The following CCSER1 variants were observed in gnomAD, a reference collection of about 807,000 sequenced individuals.
CCSER1 encodes the protein serine-rich coiled-coil domain-containing protein 1.
A neutral mutation model predicts 82.0 loss-of-function variants in CCSER1; 41 were observed. The observed-to-expected ratio is 0.50, with a 90% confidence interval of 0.39 to 0.65. The LOEUF (loss-of-function observed/expected upper bound fraction) is 0.65. CCSER1 is among the 30% of genes least tolerant of loss of function. The pLI is 0.00. For synonymous variants in CCSER1, 414 were observed against 383.9 expected, an observed-to-expected ratio of 1.08 and a Z score of -0.92; for missense variants, 1,119 against 1,064.2, an observed-to-expected ratio of 1.05 and a Z score of -0.72.
At chr4:90,397,606 A>G (rs1752170377) in intron 3 of CCSER1, among the ~76,000 whole-genome samples, 1 of 152,136 alleles carries the variant, frequency 6.6e-6, no homozygotes, top group Non-Finnish European at 1.5e-5. Flanking sequence ...CTGTGATGAC[A>G]GTGTTTTGCA....
At chr4:90,420,596 A>G (rs1397631054) in intron 4 of CCSER1, among the ~76,000 whole-genome samples, 7 of 152,076 alleles carry the variant, frequency 4.6e-5, no homozygotes, top group Admixed American at 3.3e-4. Flanking sequence ...AGACTTTGCT[A>G]TATTTTTAAG....
intron 5 of CCSER1, among the ~76,000 whole-genome samples, chr4:90,476,398 G>A (rs1361995767): frequency 2.0e-5 from 3 of 152,112 alleles, no homozygotes; most frequent in Admixed American, 1.3e-4. Context: ...TCAATCACTG[G>A]TAGTGGTGGA....
intron 10 of CCSER1, among the ~76,000 whole-genome samples, chr4:91,440,543 C>A (rs532377310): frequency 6.6e-6 from 1 of 152,146 alleles, no homozygotes; most frequent in African/African-American, 2.4e-5. Context: ...GACAGCCTAA[C>A]ATCACAATTA....
In CCSER1 at chr4:90,932,572, T is replaced by C. The variant is rs115067961; in HGVS notation, c.2172+9125T>C. Among the ~76,000 whole-genome samples, 942 of 152,124 alleles carry C rather than the reference T, an allele frequency of 6.2e-3. 4 individuals are homozygous for C. The highest frequency in any genetic ancestry group is 0.022 in the African/African-American group (893 of 41,508). ...AGCCCAGCGCGGTGCCTCACACCTT[T>C]AATTGCAGCACTTTGGTGGCCCAGG... On this transcript the variant is annotated intron_variant, in intron 9 of 10. Coordinates refer to ENST00000509176, the MANE Select transcript of CCSER1 (RefSeq NM_001145065.2).
In CCSER1 at chr4:90,815,899, G is replaced by A. The variant is rs1480192282; in HGVS notation, c.2094+54G>A. 4 of 1,240,392 alleles carry A rather than the reference G, an allele frequency of 3.2e-6. No homozygotes were observed. The East Asian group carries it at 1.0e-4, about 32-fold the overall frequency. The allele number at this position is 1,240,392 out of a possible 1,614,324, so 76.8% of individuals were successfully genotyped here. A position where few individuals can be genotyped will look rare whatever the true frequency, so the allele number is the denominator to read the frequency against. On this transcript the variant is annotated intron_variant, in intron 8 of 10. Coordinates refer to ENST00000509176, the MANE Select transcript of CCSER1 (RefSeq NM_001145065.2). ...GTGTACTTTACTTTCAAGGTTATTT[G>A]TTCCACGCCCTTATTTATTAACACC...
intron 5 of CCSER1, among the ~76,000 whole-genome samples, chr4:90,500,329 A>G (rs1769666349): frequency 1.3e-5 from 2 of 151,686 alleles, no homozygotes. Flanking sequence ...AGGTCATCAT[A>G]CTTGATCCAC....
intron 6 of CCSER1, among the ~76,000 whole-genome samples, chr4:90,707,271 T>G (rs1359216296): frequency 6.6e-6 from 1 of 151,984 alleles, no homozygotes; most frequent in East Asian, 1.9e-4. Context: ...TTGTTCTCAA[T>G]CCTATCTCCG....
intron 10 of CCSER1, among the ~76,000 whole-genome samples, chr4:91,575,748 A>C (rs1056163868): frequency 9.2e-5 from 14 of 152,004 alleles, no homozygotes; most frequent in Non-Finnish European, 1.9e-4. Flanking sequence ...AGTGTATGAA[A>C]AAAATGTTCA....
intron 3 of CCSER1, among the ~76,000 whole-genome samples, chr4:90,355,566 G>A (rs781110617): frequency 9.2e-5 from 14 of 151,914 alleles, no homozygotes; most frequent in Non-Finnish European, 1.8e-4. Flanking sequence ...CAAATAACTT[G>A]TTGAGGTTCC....
At chr4:91,404,947 C>T (rs1752597235) in intron 10 of CCSER1, among the ~76,000 whole-genome samples, 1 of 152,094 alleles carries the variant, frequency 6.6e-6, no homozygotes, top group South Asian at 2.1e-4. Flanking sequence ...TCCTGGATAT[C>T]CTTGTTAACT....
At chr4:90,762,476 T>A (rs1214760315) in intron 7 of CCSER1, among the ~76,000 whole-genome samples, 1 of 152,134 alleles carries the variant, frequency 6.6e-6, no homozygotes, top group Non-Finnish European at 1.5e-5. Context: ...TTCTCCTTAG[T>A]TGAATCACTA....
At chr4:91,527,975 C>T (rs1342303284) in intron 10 of CCSER1, among the ~76,000 whole-genome samples, 2 of 151,998 alleles carry the variant, frequency 1.3e-5, no homozygotes, top group African/African-American at 2.4e-5. Flanking sequence ...AGTGCAGTGT[C>T]GCGATCTCGG....
chr4:90,435,688 A>G (rs957249311), intron 4 of CCSER1, among the ~76,000 whole-genome samples: 6 of 152,174 alleles, frequency 3.9e-5, no homozygotes, highest in African/African-American at 1.2e-4. Flanking sequence ...ATTTATGTAT[A>G]CCATTAATGT....
intron 10 of CCSER1, among the ~76,000 whole-genome samples, chr4:91,404,119 T>C (rs961276085): frequency 9.9e-5 from 15 of 152,174 alleles, no homozygotes; most frequent in Non-Finnish European, 2.2e-4. Context: ...CCTGGTTTAA[T>C]CTTGGGAGGG....
chr4:91,170,515 C>T (rs1240701884), intron 10 of CCSER1, among the ~76,000 whole-genome samples: 1 of 152,136 alleles, frequency 6.6e-6, no homozygotes, highest in Non-Finnish European at 1.5e-5. Context: ...ATAAGTGTGA[C>T]TGGGTGTGAA....
intron 10 of CCSER1, among the ~76,000 whole-genome samples, chr4:91,479,316 G>A (rs113592086): frequency 0.01 from 1,586 of 151,736 alleles, 13 homozygotes; most frequent in Middle Eastern, 0.021. Context: ...TAAAGCTTCT[G>A]TACATTAAAA....
intron 3 of CCSER1, among the ~76,000 whole-genome samples, chr4:90,331,296 A>G (rs953016208): frequency 2.0e-5 from 3 of 152,086 alleles, no homozygotes; most frequent in African/African-American, 2.4e-5. Context: ...TAAAAAGATG[A>G]TTTTATTAGA....
intron 10 of CCSER1, among the ~76,000 whole-genome samples, chr4:91,271,870 T>C (rs1742061557): frequency 6.6e-6 from 1 of 152,166 alleles, no homozygotes; most frequent in Non-Finnish European, 1.5e-5. Context: ...TTCTCCTGCC[T>C]CATCCTCCCG....
intron 9 of CCSER1, among the ~76,000 whole-genome samples, chr4:90,978,980 T>C (rs1391288715): frequency 1.3e-5 from 2 of 151,646 alleles, no homozygotes; most frequent in African/African-American, 4.8e-5. Context: ...GTACAATAAA[T>C]ATTGAATAGA....
Sources: gnomAD v4.1 joint callset for allele counts (sites outside exome capture counted in the v4.1 genomes callset) on GRCh38, gnomAD v4.1.1 for gene constraint, MANE v1.5 for transcripts, NCBI Gene and HGNC (gene_info 2026-07-23, HGNC 2026-07-21) for gene names.